MLLT1: variants seen among roughly 807,000 people sequenced by gnomAD.
MLLT1 encodes protein ENL.
In MLLT1, 11 loss-of-function variants were observed where a neutral mutation model predicts 55.1. The observed-to-expected ratio is 0.20, with a 90% CI of 0.13 to 0.33. MLLT1 has a LOEUF of 0.33. Ranked by LOEUF, MLLT1 falls within the 10% of genes least tolerant of loss-of-function variation. The pLI is 1.00. For missense variants in MLLT1, 536 were observed against 760.6 expected (o/e 0.70, Z 3.47); for synonymous variants, 323 against 320.1 (o/e 1.01, Z -0.10).
At position 6,233,234 on chromosome 19, in the gene MLLT1, G is replaced by A. The variant is rs576391764; in HGVS notation, c.277-2521C>T. ...CGGGGACAGGCGCCTCCTGGGAGTCGGGGCCCAGCTAGTAACACAGTTGGC... is the reference window on the plus strand; with the variant it reads ...CGGGGACAGGCGCCTCCTGGGAGTCAGGGCCCAGCTAGTAACACAGTTGGC... On this transcript the variant is annotated intron_variant, in intron 3 of 11. Transcript: ENST00000252674. Among the ~76,000 whole-genome samples the A allele has an allele frequency of 7.2e-5, 11 of 152,326 alleles. No individual in the cohort carries two copies. In the South Asian group the frequency reaches 1.7e-3, roughly 23 times the overall value.
At position 6,273,793 on chromosome 19, in the gene MLLT1, G is replaced by A. The variant is rs557756819; in HGVS notation, c.13-3034C>T. Among the ~76,000 whole-genome samples, 10 of 152,204 alleles carry A rather than the reference G, an allele frequency of 6.6e-5. No homozygotes were observed. Among genetic ancestry groups the A allele is most frequent in the African/African-American group, 2.2e-4 (9 of 41,448 alleles). On this transcript the variant is annotated intron_variant, in intron 1 of 11. Transcript: ENST00000252674. This position sits in a 1 kb window ranked among gnomAD's most constrained non-coding sequence, Gnocchi z 4.3. The stretch of plus-strand genomic sequence containing the variant: ...TCCCACACAATGACAGTGTCTCCTC[G>A]GAATCGCTTATTCACTGACCCGGCC...
intron 3 of MLLT1, among the ~76,000 whole-genome samples, chr19:6,253,176 A>G (rs2091232491): frequency 6.7e-6 from 1 of 149,480 alleles, no homozygotes; most frequent in South Asian, 2.2e-4. Flanking sequence ...GAAGCAAGAG[A>G]ATGGCATGAA....
chr19:6,232,974 CCGGCTCAGT>C (rs1482800626), intron 3 of MLLT1, among the ~76,000 whole-genome samples: 1 of 152,208 alleles, frequency 6.6e-6, no homozygotes, highest in Non-Finnish European at 1.5e-5. Flanking sequence ...AGACATCACA[CCGGCTCAGT>C]CAGCAGTGGG....
At chr19:6,253,264 CAAAAAA>C (rs71172800) in intron 3 of MLLT1, among the ~76,000 whole-genome samples, 2 of 24,548 alleles carry the variant, frequency 8.1e-5, no homozygotes, top group African/African-American at 2.1e-4. Flanking sequence ...GACCCCATCT[CAAAAAA>C]AAAAAAAAAA....
chr19:6,278,099 C>T (rs914465345), intron 1 of MLLT1, among the ~76,000 whole-genome samples: 3 of 152,236 alleles, frequency 2.0e-5, no homozygotes, highest in African/African-American at 7.2e-5. Flanking sequence ...TGAAACCACA[C>T]AGACAGTGCC....
rs769044658 is a variant in MLLT1, at chr19:6,216,517, G to A, written c.1199-4C>T. 68 of 1,577,360 alleles carry A rather than the reference G, an allele frequency of 4.3e-5. No individual in the cohort carries two copies. Among genetic ancestry groups the A allele is most frequent in the Non-Finnish European group, 5.7e-5 (66 of 1,161,474 alleles). ...TCCACCATGGAGCGCAGGGGTCCTG[G>A]GGAGGCGGGGCAGGGAGGGAGGGGA... On this transcript the variant is annotated splice_region_variant and splice_polypyrimidine_tract_variant and intron_variant, in intron 7 of 11. Coordinates refer to ENST00000252674, the MANE Select transcript of MLLT1 (RefSeq NM_005934.4).
Position 6,230,538 on chromosome 19 carries a change from C to T in MLLT1, c.420+32G>A. 1 of 1,609,426 alleles carries T rather than the reference C, an allele frequency of 6.2e-7. No homozygotes were observed. Among genetic ancestry groups the T allele is most frequent in the Non-Finnish European group, 8.5e-7 (1 of 1,178,890 alleles). On this transcript the variant is annotated intron_variant, in intron 4 of 11. Transcript: ENST00000252674. The surrounding 1 kb of genome is among the most constrained non-coding windows in gnomAD (Gnocchi z 9.0). ...CAGCAAAGTAGCCTCGGTGGAGCGG[C>T]CCCTTGGCGGGCAGGGGCGGGGCAC...
At chr19:6,213,635 G>T in intron 10 of MLLT1, 91 bp downstream of exon 10, 1 of 1,276,204 alleles carries the variant, frequency 7.8e-7, no homozygotes, top group Non-Finnish European at 1.1e-6. Context: ...CAACTGTGGG[G>T]TGTTGGGGGG....
In MLLT1 at chr19:6,226,658, A is replaced by G. The variant is rs112400233; in HGVS notation, c.546+319T>C. Among the ~76,000 whole-genome samples the G allele has an allele frequency of 3.3e-5, 5 of 152,224 alleles. No homozygotes were observed. Among genetic ancestry groups the G allele is most frequent in the African/African-American group, 1.2e-4 (5 of 41,572 alleles). On this transcript the variant is annotated intron_variant, in intron 5 of 11. Coordinates refer to ENST00000252674, the MANE Select transcript of MLLT1 (RefSeq NM_005934.4). This position sits in a 1 kb window ranked among gnomAD's most constrained non-coding sequence, Gnocchi z 6.3. ...CACTCTACCCAGCGGCCGCCCCAAC[A>G]GCCTTCGGCGAAGGTCTCAGGGCTT...
At chr19:6,225,655 G>C (rs1057306639) in intron 5 of MLLT1, among the ~76,000 whole-genome samples, 1 of 152,144 alleles carries the variant, frequency 6.6e-6, no homozygotes, top group Non-Finnish European at 1.5e-5. Flanking sequence ...GGAGAGGGTG[G>C]AGCCCACAGG....
chr19:6,220,084 A>G (rs1167275287), intron 6 of MLLT1, among the ~76,000 whole-genome samples: 2 of 152,188 alleles, frequency 1.3e-5, no homozygotes, highest in African/African-American at 4.8e-5. Context: ...AGGACGTGGG[A>G]GCTCGGCTCG....
chr19:6,223,433 G>A (rs1368094589), intron 5 of MLLT1, among the ~76,000 whole-genome samples: 1 of 152,228 alleles, frequency 6.6e-6, no homozygotes, highest in Non-Finnish European at 1.5e-5. Context: ...CTCGGGGGCT[G>A]ATCCCATTGA....
intron 7 of MLLT1, chr19:6,216,952 C>T (rs1471265571): frequency 1.1e-5 from 2 of 174,712 alleles, no homozygotes; most frequent in African/African-American, 2.4e-5. Context: ...CCGGCCTGCC[C>T]ACCCCCTCGG....
At position 6,229,996 on chromosome 19, in the gene MLLT1, C is replaced by T. The variant is rs2090993019; in HGVS notation, c.420+574G>A. 6.6e-6 allele frequency among the ~76,000 whole-genome samples: 1 copy of T among 152,092 alleles called. No individual in the cohort carries two copies. The highest frequency in any genetic ancestry group is 6.5e-5 in the Admixed American group (1 of 15,268). ...GTGACCAGGCCTCAGCCTGCACGTC[C>T]CTCCCTCCACGCCCCCCTCCTCCAT... is the stretch of plus-strand genomic sequence containing the variant. On this transcript the variant is annotated intron_variant, in intron 4 of 11. Coordinates refer to ENST00000252674, the MANE Select transcript of MLLT1 (RefSeq NM_005934.4). This position sits in a 1 kb window ranked among gnomAD's most constrained non-coding sequence, Gnocchi z 5.2.
intron 10 of MLLT1, 48 bp downstream of exon 10, chr19:6,213,672 TCCCACC>T: frequency 3.7e-6 from 4 of 1,075,342 alleles, no homozygotes; most frequent in African/African-American, 1.6e-5. Context: ...TGGCTGCAAC[TCCCACC>T]ACCCACCCCT....
chr19:6,246,248 A>G (rs1004802593), intron 3 of MLLT1, among the ~76,000 whole-genome samples: 2 of 152,200 alleles, frequency 1.3e-5, no homozygotes, highest in African/African-American at 4.8e-5. Context: ...TTAAAAAGTT[A>G]AATAGACCCA....
intron 5 of MLLT1, among the ~76,000 whole-genome samples, chr19:6,225,598 T>C (rs770328894): frequency 6.6e-6 from 1 of 152,250 alleles, no homozygotes; most frequent in East Asian, 1.9e-4. Flanking sequence ...TCCCCACAGA[T>C]GCCGCCTACA....
At chr19:6,245,299 C>T (rs1242575826) in intron 3 of MLLT1, among the ~76,000 whole-genome samples, 4 of 149,162 alleles carry the variant, frequency 2.7e-5, no homozygotes, top group African/African-American at 4.9e-5. Context: ...ACCATGTTGC[C>T]CAGGCTGGTC....
intron 3 of MLLT1, among the ~76,000 whole-genome samples, chr19:6,258,044 T>C (rs1454776045): frequency 6.6e-6 from 1 of 152,122 alleles, no homozygotes; most frequent in East Asian, 1.9e-4. Flanking sequence ...GGTGGACCTA[T>C]GACAGGATAC....
Sources: gnomAD v4.1 joint callset for allele counts (sites outside exome capture counted in the v4.1 genomes callset) on GRCh38, gnomAD v4.1.1 for gene constraint, Gnocchi (gnomAD v3.1) non-coding constraint, MANE v1.5 for transcripts, NCBI Gene and HGNC (gene_info 2026-07-23, HGNC 2026-07-21) for gene names.